The following SHISA9 variants were observed in gnomAD, a reference collection of about 807,000 sequenced individuals.
The protein encoded by SHISA9 is shisa family member 9, also known as protein shisa-9.
A neutral mutation model predicts 38.0 loss-of-function variants in SHISA9; 13 were observed. The ratio of observed to expected loss-of-function variants is 0.34; its 90% CI spans 0.22 to 0.54. SHISA9 has a LOEUF of 0.54. SHISA9 is among the 20% of genes least tolerant of loss of function. SHISA9 has a pLI of 0.91. For missense variants in SHISA9, 538 were observed against 575.8 expected (o/e 0.93, Z 0.67); for synonymous variants, 275 against 242.0 (o/e 1.14, Z -1.27).
At chr16:13,358,227 A>G in the SHISA9 span, among the ~76,000 whole-genome samples, 12 of 152,176 alleles carry the variant, frequency 7.9e-5, no homozygotes. Flanking sequence ...TCAATGGACT[A>G]AAAGACCTGA....
At chr16:13,243,098 G>T (rs1360533534), downstream of SHISA9, among the ~76,000 whole-genome samples, 1 of 152,090 alleles carries the variant, frequency 6.6e-6, no homozygotes, top group Non-Finnish European at 1.5e-5. Flanking sequence ...AATTAGCCTG[G>T]TGTGGTGGCA....
intron 2 of SHISA9, among the ~76,000 whole-genome samples, chr16:13,101,345 A>C (rs1433077979): frequency 1.3e-5 from 2 of 152,268 alleles, no homozygotes; most frequent in Non-Finnish European, 2.9e-5. Flanking sequence ...ATTATGTCAC[A>C]ATGAATATAT....
At chr16:13,458,129 G>T in the SHISA9 span, among the ~76,000 whole-genome samples, 139 of 152,266 alleles carry the variant, frequency 9.1e-4, no homozygotes, top group African/African-American at 3.2e-3. Context: ...AGGCATTTGG[G>T]AAACAGTGAA....
chr16:13,429,071 T>G, the SHISA9 span, among the ~76,000 whole-genome samples: 268 of 152,132 alleles, frequency 1.8e-3, 1 homozygote, highest in African/African-American at 6.2e-3. Flanking sequence ...CCAGCTAAAT[T>G]TTAGAAAGAT....
the SHISA9 span, among the ~76,000 whole-genome samples, chr16:13,325,196 A>C: frequency 6.6e-6 from 1 of 152,246 alleles, no homozygotes. Flanking sequence ...GATGGCTTTC[A>C]GAGCCATTTC....
the SHISA9 span, among the ~76,000 whole-genome samples, chr16:13,308,702 G>A: frequency 6.6e-6 from 1 of 152,144 alleles, no homozygotes; most frequent in Non-Finnish European, 1.5e-5. Context: ...TTACAGCTGT[G>A]AATTTATGTT....
At chr16:13,461,590 A>AT in the SHISA9 span, among the ~76,000 whole-genome samples, 668 of 150,756 alleles carry the variant, frequency 4.4e-3, 2 homozygotes, top group Non-Finnish European at 7.0e-3. Context: ...AAAAAAAAAA[A>AT]AGATTTATAG....
the SHISA9 span, among the ~76,000 whole-genome samples, chr16:13,259,788 C>T: frequency 1.3e-5 from 2 of 152,230 alleles, no homozygotes; most frequent in East Asian, 3.9e-4. Flanking sequence ...CCCTAGGCTG[C>T]ACACAGCATG....
intron 2 of SHISA9, among the ~76,000 whole-genome samples, chr16:13,061,275 C>T (rs2073372642): frequency 6.6e-6 from 1 of 152,112 alleles, no homozygotes; most frequent in African/African-American, 2.4e-5. Flanking sequence ...TCACACACGG[C>T]GTTAAAAGAA....
At chr16:13,139,631 G>A (rs894337854) in intron 2 of SHISA9, among the ~76,000 whole-genome samples, 2 of 151,902 alleles carry the variant, frequency 1.3e-5, no homozygotes, top group Admixed American at 6.6e-5. Context: ...TCTGTAGCAC[G>A]AGTCTCCTCC....
the SHISA9 span, among the ~76,000 whole-genome samples, chr16:13,321,388 T>C: frequency 2.2e-4 from 34 of 152,222 alleles, no homozygotes; most frequent in African/African-American, 7.7e-4. Flanking sequence ...AGTCTCTCTT[T>C]CATCTTCCTG....
chr16:13,121,777 C>A (rs1326731551), intron 2 of SHISA9, among the ~76,000 whole-genome samples: 1 of 149,780 alleles, frequency 6.7e-6, no homozygotes, highest in Non-Finnish European at 1.5e-5. Flanking sequence ...ATTCTTTTTA[C>A]AATGAACACT....
chr16:13,022,939 C>T (rs1022830768), intron 2 of SHISA9, among the ~76,000 whole-genome samples: 1 of 152,188 alleles, frequency 6.6e-6, no homozygotes, highest in African/African-American at 2.4e-5. Flanking sequence ...AGGGGCCACC[C>T]CATAATCCAG....
the SHISA9 span, among the ~76,000 whole-genome samples, chr16:13,491,818 C>CTTTATT: frequency 4.5e-5 from 2 of 44,506 alleles, no homozygotes; most frequent in Non-Finnish European, 8.3e-5. Flanking sequence ...ATTTATTGAC[C>CTTTATT]TTTTTTTTTT....
At chr16:13,324,837 A>C in the SHISA9 span, among the ~76,000 whole-genome samples, 10 of 152,224 alleles carry the variant, frequency 6.6e-5, no homozygotes, top group African/African-American at 2.2e-4. Flanking sequence ...GCAAAGACAT[A>C]AATCAATATG....
intron 2 of SHISA9, among the ~76,000 whole-genome samples, chr16:12,945,258 A>G (rs1448810548): frequency 6.6e-6 from 1 of 152,126 alleles, no homozygotes; most frequent in Non-Finnish European, 1.5e-5. Context: ...CTGATACAGG[A>G]CATCTGGTGG....
At chr16:13,192,425 A>T (rs1194098860) in intron 2 of SHISA9, among the ~76,000 whole-genome samples, 3 of 152,136 alleles carry the variant, frequency 2.0e-5, no homozygotes, top group Non-Finnish European at 4.4e-5. Context: ...ATTCTTTAGT[A>T]AGTGGTATAA....
At chr16:13,468,539 A>C in the SHISA9 span, among the ~76,000 whole-genome samples, 2 of 152,124 alleles carry the variant, frequency 1.3e-5, no homozygotes, top group Admixed American at 1.3e-4. Context: ...CTCTAATTCT[A>C]TCCTATGTTT....
At chr16:13,279,039 G>T in the SHISA9 span, among the ~76,000 whole-genome samples, 1 of 151,910 alleles carries the variant, frequency 6.6e-6, no homozygotes, top group Admixed American at 6.6e-5. Context: ...CCTGATGTAG[G>T]CACTTAGGGC....
Sources: allele counts gnomAD v4.1 joint callset (sites outside exome capture counted in the v4.1 genomes callset), GRCh38; gene constraint gnomAD v4.1.1; transcripts MANE v1.5; gene names NCBI Gene and HGNC (gene_info 2026-07-23, HGNC 2026-07-21).